Variants in EFCAB6 observed in about 807,000 individuals in gnomAD.
EFCAB6 encodes EF-hand calcium binding domain 6, also known as EF-hand calcium-binding domain-containing protein 6.
EFCAB6 carries 156 observed loss-of-function variants against 169.8 expected under a neutral mutation model. That is an observed-to-expected ratio of 0.92 (90% CI 0.81 to 1.05). EFCAB6 has a LOEUF of 1.05. Among genes scored for constraint, EFCAB6 ranks in the 50% least tolerant of loss-of-function variants. The pLI, the probability that EFCAB6 is intolerant of heterozygous loss-of-function variation, is 0.00. For missense variants in EFCAB6, 1,800 were observed against 1,829.1 expected, an observed-to-expected ratio of 0.98 and a Z score of 0.29; for synonymous variants, 698 against 676.4, an observed-to-expected ratio of 1.03 and a Z score of -0.50.
intron 17 of EFCAB6, among the ~76,000 whole-genome samples, chr22:43,660,951 T>G (rs1339617907): frequency 6.6e-6 from 1 of 152,164 alleles, no homozygotes; most frequent in African/African-American, 2.4e-5. Context: ...TAATTCAGCA[T>G]ATGAAGAAAA....
At chr22:43,547,437 G>A (rs950746270) in intron 27 of EFCAB6, among the ~76,000 whole-genome samples, 1 of 152,166 alleles carries the variant, frequency 6.6e-6, no homozygotes, top group African/African-American at 2.4e-5. Flanking sequence ...GGGAAAAAAG[G>A]AATTTAAAAA....
chr22:43,751,589 G>A, intron 6 of EFCAB6, among the ~76,000 whole-genome samples: 1 of 152,156 alleles, frequency 6.6e-6, no homozygotes. Flanking sequence ...CGCGGTGGAG[G>A]AAGTGTGAAA....
At chr22:43,724,367 CTT>C (rs58226287) in intron 8 of EFCAB6, among the ~76,000 whole-genome samples, 1,296 of 107,878 alleles carry the variant, frequency 0.012, 14 homozygotes, top group African/African-American at 0.041. Context: ...TTTCTTTTTT[CTT>C]TTTTTTTTTT....
chr22:43,684,323 C>T (rs1312407207), intron 11 of EFCAB6, among the ~76,000 whole-genome samples: 2 of 152,128 alleles, frequency 1.3e-5, no homozygotes, highest in Non-Finnish European at 2.9e-5. Context: ...TGACAATGAC[C>T]ATGATGCCCT....
intron 23 of EFCAB6, among the ~76,000 whole-genome samples, chr22:43,590,713 C>T (rs1457262267): frequency 7.3e-6 from 1 of 136,330 alleles, no homozygotes; most frequent in Non-Finnish European, 1.5e-5. Context: ...GACAGAGGTA[C>T]AGCACGGTGG....
chr22:43,639,367 C>T (rs2055645417), intron 17 of EFCAB6, among the ~76,000 whole-genome samples: 1 of 152,294 alleles, frequency 6.6e-6, no homozygotes, highest in East Asian at 1.9e-4. Context: ...AAATCATCAC[C>T]TTCATTCTTG....
intron 2 of EFCAB6, among the ~76,000 whole-genome samples, chr22:43,796,033 A>C (rs1314691286): frequency 6.8e-6 from 1 of 146,112 alleles, no homozygotes; most frequent in Non-Finnish European, 1.5e-5. Flanking sequence ...CTTACCCCCC[A>C]CAGACACACA....
At chr22:43,643,893 G>C (rs904612315) in intron 17 of EFCAB6, among the ~76,000 whole-genome samples, 1 of 151,380 alleles carries the variant, frequency 6.6e-6, no homozygotes, top group African/African-American at 2.4e-5. Flanking sequence ...GCGTGATCTC[G>C]GCTCACTGCA....
intron 26 of EFCAB6, among the ~76,000 whole-genome samples, chr22:43,559,340 A>G (rs774153232): frequency 6.6e-6 from 1 of 152,216 alleles, no homozygotes; most frequent in African/African-American, 2.4e-5. Context: ...TAGAATGGTG[A>G]TTATTAAGAA....
At chr22:43,687,446 T>TA (rs1412890161) in intron 11 of EFCAB6, 25 bp downstream of exon 11, 33 of 1,103,772 alleles carry the variant, frequency 3.0e-5, no homozygotes, top group Admixed American at 1.2e-4. Flanking sequence ...AACTAAAATT[T>TA]GTTTTTTTTT....
intron 20 of EFCAB6, among the ~76,000 whole-genome samples, chr22:43,624,482 A>C (rs2054355803): frequency 1.3e-5 from 2 of 151,812 alleles, no homozygotes. Flanking sequence ...GATCCCACAC[A>C]TGCATCCTCT....
chr22:43,750,165 T>C (rs905519567), intron 6 of EFCAB6, among the ~76,000 whole-genome samples: 3 of 152,206 alleles, frequency 2.0e-5, no homozygotes, highest in Non-Finnish European at 4.4e-5. Context: ...AATTCTGATA[T>C]TGCAGAATCT....
At chr22:43,640,659 G>C (rs2055735871) in intron 17 of EFCAB6, among the ~76,000 whole-genome samples, 1 of 152,152 alleles carries the variant, frequency 6.6e-6, no homozygotes, top group African/African-American at 2.4e-5. Flanking sequence ...AAAAGCTGTA[G>C]AAAATGGGAA....
chr22:43,540,395 G>C (rs1407398205), intron 27 of EFCAB6, 38 bp from the exon 28 acceptor site: 1 of 1,611,656 alleles, frequency 6.2e-7, no homozygotes, highest in Non-Finnish European at 8.5e-7. Flanking sequence ...AGGTGTCAGT[G>C]CAAACACAGG....
At chr22:43,631,203 C>T (rs1233911043) in intron 19 of EFCAB6, among the ~76,000 whole-genome samples, 2 of 151,576 alleles carry the variant, frequency 1.3e-5, no homozygotes, top group African/African-American at 2.4e-5. Context: ...CCTCCACCCA[C>T]GGGGTGAGGA....
At chr22:43,762,103 C>T (rs994384779) in intron 5 of EFCAB6, among the ~76,000 whole-genome samples, 6 of 152,216 alleles carry the variant, frequency 3.9e-5, no homozygotes, top group Non-Finnish European at 8.8e-5. Flanking sequence ...TTGCCCGAAA[C>T]TTTTCAGACC....
In EFCAB6 at chr22:43,554,808, A is replaced by G; in HGVS notation, c.3648+61T>C. On this transcript the variant is annotated intron_variant, in intron 27 of 31. Transcript: ENST00000262726. ...GTCTTAAACTCTGTACATTCTGGCC[A>G]GGGACCAGGCTGACGCTCAGCCAAC... is the stretch of plus-strand genomic sequence containing the variant. 4 of 1,438,768 alleles carry G rather than the reference A, an allele frequency of 2.8e-6. No homozygotes were observed. In the South Asian group the frequency reaches 4.6e-5, roughly 17 times the overall value. 89.1% of individuals were successfully genotyped at this position (1,438,768 alleles called of 1,614,324 possible).
In EFCAB6 at chr22:43,736,285, G is replaced by GA. The variant is rs372573048; in HGVS notation, c.508-293dup. Among the ~76,000 whole-genome samples the GA allele has an allele frequency of 1.0e-3, 152 of 152,252 alleles. 1 individual carries two copies. The highest frequency in any genetic ancestry group is 3.4e-3 in the Middle Eastern group (1 of 294). On this transcript the variant is annotated intron_variant, in intron 6 of 31. Coordinates refer to ENST00000262726, the MANE Select transcript of EFCAB6 (RefSeq NM_022785.4). ...AATTCATTCCCTTCTAGGGCCATATGAAAAAATCTTTTTTGTTAATTGATA... is the reference window on the plus strand; with the variant it reads ...AATTCATTCCCTTCTAGGGCCATATGAAAAAAATCTTTTTTGTTAATTGATA...
chr22:43,758,251 T>C (rs2061027949), intron 5 of EFCAB6, among the ~76,000 whole-genome samples: 1 of 152,202 alleles, frequency 6.6e-6, no homozygotes, highest in African/African-American at 2.4e-5. Flanking sequence ...TTTAATGTAG[T>C]CATGTTATAT....
Sources: gnomAD v4.1 joint callset for allele counts (sites outside exome capture counted in the v4.1 genomes callset) on GRCh38, gnomAD v4.1.1 for gene constraint, MANE v1.5 for transcripts, NCBI Gene and HGNC (gene_info 2026-07-23, HGNC 2026-07-21) for gene names.